The following NELL1 variants were observed in gnomAD, a reference collection of about 807,000 sequenced individuals.
NELL1 encodes the protein neural EGFL like 1, also known as protein kinase C-binding protein NELL1.
Under a neutral mutation model 107.4 loss-of-function variants are expected in NELL1, and 76 were observed. The observed-to-expected ratio is 0.71, with a 90% CI of 0.59 to 0.86. The LOEUF (loss-of-function observed/expected upper bound fraction) is 0.86, where lower values mean the gene tolerates loss of function less well. Ranked by LOEUF, NELL1 falls within the 40% of genes least tolerant of loss-of-function variation. The pLI is 0.00. For missense variants in NELL1, 1,024 were observed against 1,005.5 expected (o/e 1.02, Z -0.25); for synonymous variants, 353 against 341.2 (o/e 1.03, Z -0.38).
intron 12 of NELL1, among the ~76,000 whole-genome samples, chr11:20,981,729 A>C (rs7482901): frequency 6.6e-6 from 1 of 151,496 alleles, no homozygotes; most frequent in East Asian, 2.0e-4. Context: ...GATGTGTGGT[A>C]GATTCATTAA....
intron 15 of NELL1, among the ~76,000 whole-genome samples, chr11:21,528,393 C>T (rs1192414529): frequency 6.6e-6 from 1 of 151,962 alleles, no homozygotes. Flanking sequence ...GAGTGATGCC[C>T]TCCCGTGAGG....
intron 4 of NELL1, among the ~76,000 whole-genome samples, chr11:20,879,407 A>G (rs1472777960): frequency 3.9e-5 from 6 of 152,216 alleles, no homozygotes; most frequent in African/African-American, 1.4e-4. Context: ...GAACTTAAAA[A>G]TAGGGCCTCT....
intron 12 of NELL1, among the ~76,000 whole-genome samples, chr11:21,046,173 G>C (rs1853349285): frequency 6.6e-6 from 1 of 152,152 alleles, no homozygotes; most frequent in African/African-American, 2.4e-5. Flanking sequence ...AAAATGTTTT[G>C]AGCAACCTGA....
chr11:21,317,500 A>C (rs190569814), intron 14 of NELL1, among the ~76,000 whole-genome samples: 83 of 10,802 alleles, frequency 7.7e-3, no homozygotes, highest in Non-Finnish European at 9.2e-3. Context: ...TACATATTTT[A>C]TCTCTCTGTG....
chr11:21,091,327 A>G (rs563836742), intron 12 of NELL1, among the ~76,000 whole-genome samples: 28 of 152,368 alleles, frequency 1.8e-4, no homozygotes, highest in Admixed American at 4.6e-4. Flanking sequence ...TGGCCTTTAT[A>G]TAACTCTGGT....
At chr11:21,420,659 A>C (rs1852642433) in intron 15 of NELL1, among the ~76,000 whole-genome samples, 1 of 152,142 alleles carries the variant, frequency 6.6e-6, no homozygotes, top group Non-Finnish European at 1.5e-5. Context: ...GTCCCCTTTC[A>C]GACAGAAGCT....
At chr11:21,096,749 C>T (rs559505037) in intron 12 of NELL1, among the ~76,000 whole-genome samples, 113 of 152,108 alleles carry the variant, frequency 7.4e-4, no homozygotes, top group Admixed American at 2.6e-3. Flanking sequence ...TTTTTTGATA[C>T]GGGGTCTCAC....
At chr11:21,574,820 G>T in intron 19 of NELL1, 152 bp from the exon 20 acceptor site, 1 of 638,206 alleles carries the variant, frequency 1.6e-6, no homozygotes, top group Middle Eastern at 4.4e-4. Flanking sequence ...TCTTTCTCTA[G>T]TTTTTTTCCT....
At chr11:20,733,982 G>A (rs188821872) in intron 2 of NELL1, among the ~76,000 whole-genome samples, 88 of 152,232 alleles carry the variant, frequency 5.8e-4, no homozygotes, top group African/African-American at 2.0e-3. Flanking sequence ...AAGCAACAGA[G>A]TACAGGTGAT....
intron 15 of NELL1, among the ~76,000 whole-genome samples, chr11:21,465,906 A>G (rs1854018178): frequency 6.6e-6 from 1 of 152,088 alleles, no homozygotes; most frequent in African/African-American, 2.4e-5. Flanking sequence ...AGTATTTCTT[A>G]TGCGTCTTCA....
intron 12 of NELL1, among the ~76,000 whole-genome samples, chr11:21,000,004 G>T (rs1424231607): frequency 6.6e-6 from 1 of 152,044 alleles, no homozygotes; most frequent in Non-Finnish European, 1.5e-5. Context: ...TTTGGATGGG[G>T]ATGTCTCAGA....
At chr11:20,716,799 G>A (rs2133903102) in intron 2 of NELL1, among the ~76,000 whole-genome samples, 1 of 152,230 alleles carries the variant, frequency 6.6e-6, no homozygotes, top group South Asian at 2.1e-4. Flanking sequence ...ATTGTTCTGT[G>A]GATTAAGCAA....
In NELL1 at chr11:21,259,406, A is replaced by G. The variant is rs191362146; in HGVS notation, c.1549+29952A>G. Among the ~76,000 whole-genome samples the G allele has an allele frequency of 2.4e-4, 37 of 152,012 alleles. No homozygotes were observed. The East Asian group carries it at 5.4e-3, about 22-fold the overall frequency. Reference sequence around the variant, plus strand: ...ACAAGTGGGACTTTGCCAAATGGATATGAGGGGTAGACTTTTGGGGCAGAG... The same window carrying G: ...ACAAGTGGGACTTTGCCAAATGGATGTGAGGGGTAGACTTTTGGGGCAGAG... On this transcript the variant is annotated intron_variant, in intron 14 of 19. Transcript: ENST00000357134.
intron 7 of NELL1, among the ~76,000 whole-genome samples, chr11:20,924,670 G>C (rs1418615007): frequency 6.6e-6 from 1 of 152,128 alleles, no homozygotes; most frequent in Non-Finnish European, 1.5e-5. Flanking sequence ...AATTGTTCCA[G>C]ATTTTCAGAG....
intron 3 of NELL1, among the ~76,000 whole-genome samples, chr11:20,787,725 C>T (rs947134805): frequency 6.6e-6 from 1 of 152,080 alleles, no homozygotes; most frequent in African/African-American, 2.4e-5. Flanking sequence ...TATTAGATTC[C>T]TAGATAATTT....
chr11:21,489,127 A>T (rs971415027), intron 15 of NELL1, among the ~76,000 whole-genome samples: 7 of 151,992 alleles, frequency 4.6e-5, no homozygotes, highest in Non-Finnish European at 8.8e-5. Context: ...AATACAAAAG[A>T]TCATCAAAGA....
intron 12 of NELL1, among the ~76,000 whole-genome samples, chr11:21,074,164 C>T (rs904693880): frequency 3.9e-5 from 6 of 152,124 alleles, no homozygotes; most frequent in South Asian, 2.1e-4. Flanking sequence ...GGACCAGTAA[C>T]ATCAGCATAA....
At chr11:20,905,984 C>A (rs142153726) in intron 5 of NELL1, among the ~76,000 whole-genome samples, 1 of 152,000 alleles carries the variant, frequency 6.6e-6, no homozygotes, top group South Asian at 2.1e-4. Flanking sequence ...CACTGAGACA[C>A]GTTATGATAA....
intron 15 of NELL1, chr11:21,383,729 G>T (rs937958653): frequency 6.7e-6 from 1 of 149,752 alleles, no homozygotes; most frequent in Non-Finnish European, 1.5e-5. Flanking sequence ...TTAATAAAAA[G>T]AATAGAAAAA....
Sources: gnomAD v4.1 joint callset for allele counts (sites outside exome capture counted in the v4.1 genomes callset) on GRCh38, gnomAD v4.1.1 for gene constraint, MANE v1.5 for transcripts, NCBI Gene and HGNC (gene_info 2026-07-23, HGNC 2026-07-21) for gene names.